Variants in OSTN observed in about 807,000 individuals in gnomAD.
OSTN encodes osteocrin.
A neutral mutation model predicts 12.0 loss-of-function variants in OSTN; 9 were observed. That is an observed-to-expected ratio of 0.75 (90% confidence interval 0.45 to 1.30). The LOEUF is 1.30. Ranked by LOEUF, OSTN falls within the 50% of genes most tolerant of loss-of-function variation. The pLI, the probability that OSTN is intolerant of heterozygous loss-of-function variation, is 0.00. For synonymous variants in OSTN, 59 were observed against 56.9 expected, an observed-to-expected ratio of 1.04 and a Z score of -0.16; for missense variants, 148 against 152.3, an observed-to-expected ratio of 0.97 and a Z score of 0.15.
At chr3:191,239,233 G>A (rs1715268266) in intron 3 of OSTN, among the ~76,000 whole-genome samples, 2 of 152,352 alleles carry the variant, frequency 1.3e-5, no homozygotes, top group South Asian at 2.1e-4. Flanking sequence ...GAGCAAAGGG[G>A]CCCAAGGGCC....
chr3:191,205,147 A>G (rs1330915823), intron 1 of OSTN, among the ~76,000 whole-genome samples: 1 of 152,214 alleles, frequency 6.6e-6, no homozygotes, highest in African/African-American at 2.4e-5. Context: ...ACTCTAAGCC[A>G]ATTCCATAAT....
chr3:191,248,217 T>TAA (rs1325601229), intron 3 of OSTN, among the ~76,000 whole-genome samples: 2 of 152,128 alleles, frequency 1.3e-5, no homozygotes, highest in African/African-American at 4.8e-5. Flanking sequence ...AAAAATGACA[T>TAA]AATTATTTTC....
intron 4 of OSTN, among the ~76,000 whole-genome samples, chr3:191,262,164 G>A (rs899986007): frequency 2.6e-5 from 4 of 152,178 alleles, no homozygotes; most frequent in Non-Finnish European, 5.9e-5. Context: ...GCTGCAGTGA[G>A]CTGAGGTCGC....
rs77662219 is a variant in OSTN, at chr3:191,224,378, G to GAAAA, written c.317+5430_317+5433dup. 1.3e-4 allele frequency among the ~76,000 whole-genome samples: 9 copies of GAAAA among 67,964 alleles called. No homozygotes were observed. The Admixed American group carries it at 1.4e-3, about 10-fold the overall frequency. 44.6% of individuals were successfully genotyped at this position (67,964 alleles called of 152,430 possible). ...GCAACAAGAGTGAAACTCCATCTCA[G>GAAAA]AAAAAAAAAAAAAAAAGAAACATAT... On this transcript the variant is annotated intron_variant, in intron 3 of 4. Transcript: ENST00000682035.
intron 4 of OSTN, among the ~76,000 whole-genome samples, chr3:191,253,964 G>A (rs150576245): frequency 6.6e-6 from 1 of 152,312 alleles, no homozygotes; most frequent in African/African-American, 2.4e-5. Flanking sequence ...GAGAGATTTG[G>A]ATTAGAGGTT....
At chr3:191,255,481 T>C (rs1251135607) in intron 4 of OSTN, among the ~76,000 whole-genome samples, 1 of 152,238 alleles carries the variant, frequency 6.6e-6, no homozygotes, top group East Asian at 1.9e-4. Context: ...TCTAAAAATA[T>C]ACCACTCCAC....
At position 191,218,950 on chromosome 3, in the gene OSTN, A is replaced by C; in HGVS notation, c.306A>C (p.Lys102Asn). The C allele has an allele frequency of 6.2e-7, 1 of 1,610,854 alleles. No individual in the cohort carries two copies. Among genetic ancestry groups the C allele is most frequent in the Non-Finnish European group, 8.5e-7 (1 of 1,178,780 alleles). ...TCTCAGCTGGCTCTGTAGATCACAA[A>C]GGTAAACAGAGGTAAGTGAACTCAG... ...DRLSAGSVDHKGKQRKVVDHP... is the reference protein window; with the variant it reads ...DRLSAGSVDHNGKQRKVVDHP... Residue 102 changes from lysine (K) to asparagine (N), a missense_variant, in exon 3 of 5, where the codon AAA becomes AAC. By Grantham distance (94) the Lys-to-Asn change is moderately conservative (BLOSUM62 0). Transcript: ENST00000682035.
At chr3:191,243,581 A>G (rs1715367952) in intron 3 of OSTN, among the ~76,000 whole-genome samples, 1 of 152,158 alleles carries the variant, frequency 6.6e-6, no homozygotes, top group Non-Finnish European at 1.5e-5. Context: ...ATGATTGACA[A>G]TATAAATTGT....
At chr3:191,212,898 T>A (rs1206035873) in intron 2 of OSTN, among the ~76,000 whole-genome samples, 3 of 123,970 alleles carry the variant, frequency 2.4e-5, no homozygotes, top group African/African-American at 5.9e-5. Context: ...TGAGACAGAG[T>A]CTCACTCTGT....
intron 3 of OSTN, among the ~76,000 whole-genome samples, chr3:191,236,422 A>G (rs1374603351): frequency 6.6e-6 from 1 of 152,180 alleles, no homozygotes; most frequent in East Asian, 1.9e-4. Flanking sequence ...AGTAAAGTGA[A>G]AGCAATTTTA....
At chr3:191,241,158 G>A (rs953058679) in intron 3 of OSTN, among the ~76,000 whole-genome samples, 2 of 117,112 alleles carry the variant, frequency 1.7e-5, no homozygotes, top group African/African-American at 5.6e-5. Flanking sequence ...GTGGAGCTCT[G>A]TGCCTTGACT....
intron 3 of OSTN, among the ~76,000 whole-genome samples, chr3:191,245,470 A>C (rs930475785): frequency 2.6e-5 from 4 of 152,236 alleles, no homozygotes; most frequent in African/African-American, 9.6e-5. Flanking sequence ...TCATACTATC[A>C]GTAAGTAAAT....
At chr3:191,210,176 A>G (rs1270590995) in intron 1 of OSTN, among the ~76,000 whole-genome samples, 3 of 152,182 alleles carry the variant, frequency 2.0e-5, no homozygotes, top group Admixed American at 6.5e-5. Flanking sequence ...GGTGCTATAC[A>G]CTTTGAACAA....
intron 1 of OSTN, among the ~76,000 whole-genome samples, chr3:191,205,064 C>T (rs930319901): frequency 6.6e-6 from 1 of 152,070 alleles, no homozygotes; most frequent in African/African-American, 2.4e-5. Flanking sequence ...AGTTTTCTCA[C>T]AGATAAATTT....
intron 1 of OSTN, among the ~76,000 whole-genome samples, chr3:191,200,846 T>C (rs991026385): frequency 6.6e-6 from 1 of 152,190 alleles, no homozygotes; most frequent in African/African-American, 2.4e-5. Context: ...CAACTTTTGC[T>C]TAGATTCAAT....
chr3:191,230,116 T>C (rs1039291746), intron 3 of OSTN, among the ~76,000 whole-genome samples: 1 of 143,910 alleles, frequency 6.9e-6, no homozygotes, highest in Non-Finnish European at 1.5e-5. Flanking sequence ...TAGGATATTT[T>C]TTCAATACTT....
At chr3:191,230,828 T>C (rs114896554) in intron 3 of OSTN, among the ~76,000 whole-genome samples, 214 of 152,254 alleles carry the variant, frequency 1.4e-3, no homozygotes, top group African/African-American at 4.9e-3. Context: ...AAGAAAAGAA[T>C]TTAGTAAAAT....
intron 4 of OSTN, among the ~76,000 whole-genome samples, chr3:191,253,690 G>A (rs1487564907): frequency 6.6e-6 from 1 of 152,136 alleles, no homozygotes; most frequent in Non-Finnish European, 1.5e-5. Flanking sequence ...TTTAGATGGT[G>A]AATGTTTATT....
At chr3:191,219,086 T>C in intron 3 of OSTN, 125 bp downstream of exon 3, 1 of 854,846 alleles carries the variant, frequency 1.2e-6, no homozygotes, top group Non-Finnish European at 1.8e-6. Flanking sequence ...TTTGACGGTA[T>C]GTTAGCTAAT....
Sources: allele counts gnomAD v4.1 joint callset (sites outside exome capture counted in the v4.1 genomes callset), GRCh38; gene constraint gnomAD v4.1.1; transcripts MANE v1.5; gene names NCBI Gene and HGNC (gene_info 2026-07-23, HGNC 2026-07-21).